Variants in BARX2 observed in about 807,000 individuals in gnomAD.
BARX2 encodes the protein BARX homeobox 2.
BARX2 carries 11 observed loss-of-function variants against 25.5 expected under a neutral mutation model. That is an observed-to-expected ratio of 0.43 (90% confidence interval 0.27 to 0.71). BARX2 has a LOEUF of 0.71. Among genes scored for constraint, BARX2 ranks in the 30% least tolerant of loss-of-function variants. BARX2 has a pLI of 0.19. For synonymous variants in BARX2, 137 were observed against 149.5 expected (o/e 0.92, Z 0.61); for missense variants, 360 against 359.9 (o/e 1.00, Z 0.00).
intron 2 of BARX2, among the ~76,000 whole-genome samples, chr11:129,442,496 A>G (rs920460993): frequency 1.3e-5 from 2 of 152,190 alleles, no homozygotes; most frequent in East Asian, 3.8e-4. Flanking sequence ...ACGATGGGCC[A>G]GAGGGTCAGA....
intron 1 of BARX2, among the ~76,000 whole-genome samples, chr11:129,377,731 G>A (rs984141417): frequency 6.6e-6 from 1 of 152,174 alleles, no homozygotes; most frequent in African/African-American, 2.4e-5. Flanking sequence ...GAAAAAGAGA[G>A]GATCTGTTTC....
intron 1 of BARX2, among the ~76,000 whole-genome samples, chr11:129,407,206 A>G (rs963510242): frequency 2.6e-5 from 4 of 152,130 alleles, no homozygotes; most frequent in African/African-American, 9.7e-5. Context: ...GCTGGTGGAG[A>G]GGACAGCTTC....
chr11:129,411,936 A>G (rs1001865200), intron 1 of BARX2, among the ~76,000 whole-genome samples: 1 of 152,220 alleles, frequency 6.6e-6, no homozygotes, highest in Non-Finnish European at 1.5e-5. Flanking sequence ...GAAATTTAAC[A>G]TGCAAAATTT....
chr11:129,419,328 CT>C (rs1861978655), intron 1 of BARX2, among the ~76,000 whole-genome samples: 3 of 152,170 alleles, frequency 2.0e-5, no homozygotes, highest in African/African-American at 7.2e-5. Context: ...GTTTTTGTCG[CT>C]AGAAACGTGC....
intron 1 of BARX2, among the ~76,000 whole-genome samples, chr11:129,435,741 C>T (rs974860803): frequency 1.3e-5 from 2 of 152,172 alleles, no homozygotes; most frequent in African/African-American, 4.8e-5. Flanking sequence ...TAAAATGATT[C>T]ACATAGGTAA....
rs1861652592 is a variant in BARX2 at position 129,390,091 on chromosome 11, A to G, written c.187+13869A>G. On this transcript the variant is annotated intron_variant, in intron 1 of 3. Transcript: ENST00000281437. The surrounding 1 kb of genome is among the most constrained non-coding windows in gnomAD (Gnocchi z 4.3). ...TAGTATCTGCTGGTGAAATACTTTA[A>G]TTGATGAATCCCCTCCACGGTGTGA... Among the ~76,000 whole-genome samples the G allele has an allele frequency of 6.6e-6, 1 of 152,174 alleles. No individual in the cohort carries two copies. Among genetic ancestry groups the G allele is most frequent in the South Asian group, 2.1e-4 (1 of 4,828 alleles).
At chr11:129,378,016 GA>G (rs367775017) in intron 1 of BARX2, among the ~76,000 whole-genome samples, 174 of 152,170 alleles carry the variant, frequency 1.1e-3, no homozygotes, top group African/African-American at 3.9e-3. Context: ...TAAATCAGAG[GA>G]AAAAAAAATG....
intron 1 of BARX2, among the ~76,000 whole-genome samples, chr11:129,418,947 C>T (rs1232993060): frequency 1.3e-5 from 2 of 152,158 alleles, no homozygotes; most frequent in African/African-American, 4.8e-5. Context: ...CTTGGCCTGG[C>T]CACTGTCCGT....
intron 1 of BARX2, among the ~76,000 whole-genome samples, chr11:129,417,023 T>A (rs888687057): frequency 1.3e-5 from 2 of 151,922 alleles, no homozygotes; most frequent in African/African-American, 4.8e-5. Context: ...TGCCTCAGCC[T>A]CCCCAGTAGC....
intron 1 of BARX2, among the ~76,000 whole-genome samples, chr11:129,406,457 A>G (rs1284829548): frequency 6.6e-6 from 1 of 152,246 alleles, no homozygotes; most frequent in Non-Finnish European, 1.5e-5. Context: ...ACCTATGTAG[A>G]GATACAAGGT....
At chr11:129,422,159 A>G (rs1803356032) in intron 1 of BARX2, among the ~76,000 whole-genome samples, 1 of 152,080 alleles carries the variant, frequency 6.6e-6, no homozygotes, top group Non-Finnish European at 1.5e-5. Flanking sequence ...CTTTACAGAC[A>G]TGAGCCACTG....
chr11:129,410,579 C>T (rs1255723023), intron 1 of BARX2, among the ~76,000 whole-genome samples: 2 of 152,160 alleles, frequency 1.3e-5, no homozygotes, highest in Admixed American at 6.5e-5. Context: ...GCTGTGTGTA[C>T]ATGAATGAAT....
intron 1 of BARX2, among the ~76,000 whole-genome samples, chr11:129,412,337 A>T (rs998303051): frequency 6.6e-6 from 1 of 152,068 alleles, no homozygotes; most frequent in Non-Finnish European, 1.5e-5. Flanking sequence ...TTGAATAGGG[A>T]GTTACTTTGG....
rs1036302782 is a variant in BARX2 at position 129,428,962 on chromosome 11, T to C, written c.188-7789T>C. On this transcript the variant is annotated intron_variant, in intron 1 of 3. Transcript: ENST00000281437. Reference sequence around the variant, plus strand: ...AGATTGCTGAAACAATGGACTTTGGTGATTAGGATGTTGCTTTAAGTCACT... The same window carrying C: ...AGATTGCTGAAACAATGGACTTTGGCGATTAGGATGTTGCTTTAAGTCACT... 3.9e-5 allele frequency among the ~76,000 whole-genome samples: 6 copies of C among 151,902 alleles called. No homozygotes were observed. The East Asian group carries it at 1.2e-3, about 29-fold the overall frequency.
At chr11:129,451,003 T>G in intron 3 of BARX2, 133 bp from the exon 4 acceptor site, 4 of 1,077,374 alleles carry the variant, frequency 3.7e-6, no homozygotes, top group Non-Finnish European at 5.4e-6. Context: ...GGGTTGAGAA[T>G]ATATTTTGCC....
rs1565506521 is a variant in BARX2 at position 129,376,720 on chromosome 11, A to G, written c.187+498A>G. On this transcript the variant is annotated intron_variant, in intron 1 of 3. Coordinates refer to ENST00000281437, the MANE Select transcript of BARX2 (RefSeq NM_003658.5). This position sits in a 1 kb window ranked among gnomAD's most constrained non-coding sequence, Gnocchi z 4.2. ...TCGAATTCACTGAGCTTTGCTTACAATGATCGCCCTCTGAGAAAGTAGTTC... is the reference window on the plus strand; with the variant it reads ...TCGAATTCACTGAGCTTTGCTTACAGTGATCGCCCTCTGAGAAAGTAGTTC... 6.6e-6 allele frequency among the ~76,000 whole-genome samples: 1 copy of G among 152,204 alleles called. No homozygotes were observed. Among genetic ancestry groups the G allele is most frequent in the African/African-American group, 2.4e-5 (1 of 41,440 alleles).
intron 2 of BARX2, 41 bp from the exon 3 acceptor site, chr11:129,442,794 C>T (rs1392058091): frequency 6.5e-7 from 1 of 1,547,062 alleles, no homozygotes. Flanking sequence ...CCTGCTGCCT[C>T]CCATTCTGCT....
At chr11:129,433,081 A>G (rs188667413) in intron 1 of BARX2, among the ~76,000 whole-genome samples, 2 of 152,270 alleles carry the variant, frequency 1.3e-5, no homozygotes, top group African/African-American at 4.8e-5. Context: ...TGACTCCTCA[A>G]CATGTGCAAG....
At position 129,376,358 on chromosome 11, in the gene BARX2, G is replaced by T. The variant is rs147413476; in HGVS notation, c.187+136G>T. ...TTTCCTGCGCCTCAGCAAGCGGTGG[G>T]CATTGCAAAGGCATCTGCGACGTGG... is the stretch of plus-strand genomic sequence containing the variant. On this transcript the variant is annotated intron_variant, in intron 1 of 3. Transcript: ENST00000281437. This position sits in a 1 kb window ranked among gnomAD's most constrained non-coding sequence, Gnocchi z 4.2. 7.8e-4 allele frequency: 706 copies of T among 909,422 alleles called. 3 individuals are homozygous for T. In the African/African-American group the frequency reaches 0.01, roughly 13 times the overall value. The allele number at this position is 909,422 out of a possible 1,614,324, so 56.3% of individuals were successfully genotyped here. A position where few individuals can be genotyped will look rare whatever the true frequency, so the allele number is the denominator to read the frequency against.
Sources: allele counts gnomAD v4.1 joint callset (sites outside exome capture counted in the v4.1 genomes callset), GRCh38; gene constraint gnomAD v4.1.1; non-coding constraint Gnocchi (gnomAD v3.1); transcripts MANE v1.5; gene names NCBI Gene and HGNC (gene_info 2026-07-23, HGNC 2026-07-21).